Variants in USP34 observed in about 807,000 individuals in gnomAD.
USP34 encodes ubiquitin carboxyl-terminal hydrolase 34.
USP34 carries 70 observed loss-of-function variants against 460.3 expected under a neutral mutation model. The observed-to-expected ratio is 0.15, with a 90% CI of 0.13 to 0.19. USP34 has a LOEUF of 0.19. USP34 is among the 10% of genes least tolerant of loss of function. The pLI is 1.00. For missense variants in USP34, 3,985 were observed against 4,236.2 expected (o/e 0.94, Z 1.65); for synonymous variants, 1,647 against 1,405.3 (o/e 1.17, Z -3.85).
intron 42 of USP34, 195 bp downstream of exon 42, chr2:61,265,789 A>C (rs975290731): frequency 2.9e-6 from 2 of 699,018 alleles, no homozygotes; most frequent in African/African-American, 3.7e-5. Context: ...TTACAGAAAA[A>C]GCCGAAGTAT....
At chr2:61,424,320 T>C (rs1230522985) in intron 1 of USP34, among the ~76,000 whole-genome samples, 2 of 152,302 alleles carry the variant, frequency 1.3e-5, no homozygotes, top group African/African-American at 4.8e-5. Context: ...TATTTAAGTA[T>C]AGAAAAGGTA....
At chr2:61,417,452 G>A (rs1329374643) in intron 2 of USP34, 2 of 342,624 alleles carry the variant, frequency 5.8e-6, no homozygotes, top group South Asian at 6.2e-5. Context: ...TGATGACACA[G>A]ATAATACTTG....
At chr2:61,422,672 C>T (rs1312172337) in intron 1 of USP34, among the ~76,000 whole-genome samples, 3 of 152,150 alleles carry the variant, frequency 2.0e-5, no homozygotes, top group Non-Finnish European at 2.9e-5. Context: ...TCACTTCTGT[C>T]CACAGATAAC....
chr2:61,318,483 A>G (rs994854747), intron 22 of USP34, among the ~76,000 whole-genome samples: 1 of 152,182 alleles, frequency 6.6e-6, no homozygotes, highest in African/African-American at 2.4e-5. Context: ...ATACACACTA[A>G]AACTCATTCA....
At chr2:61,421,583 T>C (rs1182972094) in intron 1 of USP34, among the ~76,000 whole-genome samples, 1 of 152,234 alleles carries the variant, frequency 6.6e-6, no homozygotes, top group Non-Finnish European at 1.5e-5. Flanking sequence ...GAAAGCATTT[T>C]TGAGGCTTAT....
chr2:61,370,393 C>T lies in USP34; in HGVS notation c.1179G>A (p.Val393=). The change falls in exon 10 of 80, where the codon GTG becomes GTA. Residue 393 remains valine (V), a synonymous_variant. Transcript: ENST00000398571. ...CTTCTGCTGCCAAAAAATTCAAAAT[C>T]ACTTGGCACTGTTTGATAATCTGGA... ...LHIEIIKQCQ[V]ILNFLAAEGR... is the part of the protein sequence containing the mutation. The T allele has an allele frequency of 6.2e-7, 1 of 1,614,028 alleles. No individual in the cohort carries two copies. The highest frequency in any genetic ancestry group is 1.3e-5 in the African/African-American group (1 of 75,030).
chr2:61,207,647 A>ACAAAC (rs1687157993), intron 70 of USP34: 2 of 152,186 alleles, frequency 1.3e-5, no homozygotes, highest in Non-Finnish European at 2.9e-5. Flanking sequence ...GCACAGAGGT[A>ACAAAC]GACATTTAAA....
At chr2:61,401,663 C>A (rs1381221824) in intron 3 of USP34, among the ~76,000 whole-genome samples, 1 of 149,560 alleles carries the variant, frequency 6.7e-6, no homozygotes, top group East Asian at 2.0e-4. Flanking sequence ...ATTCTCCTTC[C>A]TCAGCCTCCA....
intron 16 of USP34, 148 bp downstream of exon 16, chr2:61,343,667 G>A (rs1432553636): frequency 2.9e-5 from 22 of 750,584 alleles, no homozygotes; most frequent in Non-Finnish European, 1.3e-5. Context: ...AATTCCCTTG[G>A]GGGAAAAAAA....
At position 61,232,627 on chromosome 2, in the gene USP34, T is replaced by C. The variant is rs950374024; in HGVS notation, c.7033-95A>G. On this transcript the variant is annotated intron_variant, in intron 57 of 79. Coordinates refer to ENST00000398571, the MANE Select transcript of USP34 (RefSeq NM_014709.4). ...AAGAATTTTATTTCTAGTCAATGTT[T>C]TAATTCTTTTAAGTTCTTACCAGAA... 1.1e-5 allele frequency: 11 copies of C among 1,013,988 alleles called. No homozygotes were observed. In the Admixed American group the frequency reaches 2.9e-4, roughly 26 times the overall value. The allele number at this position is 1,013,988 out of a possible 1,614,324, so 62.8% of individuals were successfully genotyped here.
chr2:61,392,293 C>T (rs746758095), intron 5 of USP34, among the ~76,000 whole-genome samples: 4 of 152,072 alleles, frequency 2.6e-5, no homozygotes, highest in Admixed American at 2.6e-4. Context: ...CTGCTACTAC[C>T]GCACAGCAGA....
At chr2:61,293,430 C>T in intron 33 of USP34, 34 bp downstream of exon 33, 2 of 1,516,146 alleles carry the variant, frequency 1.3e-6, no homozygotes, top group Non-Finnish European at 9.1e-7. Context: ...GGGATAACTA[C>T]TGTAACTAGT....
intron 34 of USP34, 27 bp downstream of exon 34, chr2:61,288,650 C>G: frequency 6.2e-7 from 1 of 1,600,650 alleles, no homozygotes; most frequent in Non-Finnish European, 8.6e-7. Context: ...TGGAATTCAT[C>G]ATTAAACATT....
intron 75 of USP34, among the ~76,000 whole-genome samples, chr2:61,197,974 TGGTCTC>T (rs1178685361): frequency 6.6e-6 from 1 of 152,130 alleles, no homozygotes; most frequent in Non-Finnish European, 1.5e-5. Flanking sequence ...TTGGCCAGGA[TGGTCTC>T]GATCTCTTGA....
At position 61,255,490 on chromosome 2, in the gene USP34, G is replaced by A. The variant is rs145730951; in HGVS notation, c.6221+894C>T. Among the ~76,000 whole-genome samples, 843 of 152,282 alleles carry A rather than the reference G, an allele frequency of 5.5e-3. 7 individuals are homozygous for A. Among genetic ancestry groups the A allele is most frequent in the African/African-American group, 0.019 (790 of 41,552 alleles). On this transcript the variant is annotated intron_variant, in intron 48 of 79. Transcript: ENST00000398571. ...TATCTTAGGAATCAGCATTGGGAAAGTTTCTTTATTCTGTGACTCCATGTC... is the reference window on the plus strand; with the variant it reads ...TATCTTAGGAATCAGCATTGGGAAAATTTCTTTATTCTGTGACTCCATGTC...
intron 11 of USP34, 27 bp from the exon 12 acceptor site, chr2:61,350,416 T>C (rs745960052): frequency 1.3e-6 from 2 of 1,595,100 alleles, no homozygotes; most frequent in South Asian, 2.3e-5. Context: ...GAGATTTCAG[T>C]TTGAGAATTC....
At chr2:61,336,870 C>T (rs1308815735) in intron 18 of USP34, among the ~76,000 whole-genome samples, 1 of 150,110 alleles carries the variant, frequency 6.7e-6, no homozygotes, top group Non-Finnish European at 1.5e-5. Context: ...AAAATAACTG[C>T]ATTGTAGAGA....
At chr2:61,392,148 A>G (rs1039219137) in intron 5 of USP34, among the ~76,000 whole-genome samples, 5 of 152,150 alleles carry the variant, frequency 3.3e-5, no homozygotes, top group African/African-American at 1.2e-4. Flanking sequence ...GTTGGGCAAC[A>G]GCGTAACCCC....
chr2:61,314,696 T>A lies in USP34; in HGVS notation c.3431A>T (p.Glu1144Val). The A allele has an allele frequency of 6.3e-7, 1 of 1,597,356 alleles. No individual in the cohort carries two copies. Among genetic ancestry groups the A allele is most frequent in the Non-Finnish European group, 8.5e-7 (1 of 1,174,730 alleles). The change falls in exon 25 of 80, where the codon GAG (glutamate) becomes GTG (valine). Residue 1144 changes from glutamate to valine, a missense_variant. This residue lies in a region of USP34 where 1,114 missense variants were observed against 1,122.5 expected (regional missense o/e 0.99). Transcript: ENST00000398571. ...ACTGCTAGAAGCTATCATAAGACTC[T>A]CCATGCACTTACTAATAAATTCTTG... ...KEQEFISKCMESLMIASSSLE... is the reference protein window; with the variant it reads ...KEQEFISKCMVSLMIASSSLE...
Sources: allele counts gnomAD v4.1 joint callset (sites outside exome capture counted in the v4.1 genomes callset), GRCh38; gene constraint gnomAD v4.1.1; regional missense constraint gnomAD v4.1.1; transcripts MANE v1.5; gene names NCBI Gene and HGNC (gene_info 2026-07-23, HGNC 2026-07-21).